The following ANKIB1 variants were observed in gnomAD, a reference collection of about 807,000 sequenced individuals.
ANKIB1 encodes ankyrin repeat and IBR domain containing 1, also known as ankyrin repeat and IBR domain-containing protein 1.
ANKIB1 carries 43 observed loss-of-function variants against 122.1 expected under a neutral mutation model. The observed-to-expected ratio is 0.35, with a 90% confidence interval of 0.28 to 0.45. The LOEUF is 0.45. Ranked by LOEUF, ANKIB1 falls within the 20% of genes least tolerant of loss-of-function variation. The pLI, the probability that ANKIB1 is intolerant of heterozygous loss-of-function variation, is 1.00. For missense variants in ANKIB1, 992 were observed against 1,329.5 expected, an observed-to-expected ratio of 0.75 and a Z score of 3.95; for synonymous variants, 390 against 442.0, an observed-to-expected ratio of 0.88 and a Z score of 1.48.
chr7:92,350,704 A>T (rs1334030646), intron 7 of ANKIB1, among the ~76,000 whole-genome samples: 2 of 152,164 alleles, frequency 1.3e-5, no homozygotes, highest in Non-Finnish European at 2.9e-5. Context: ...CAAAAATTTA[A>T]AAATTAGCCC....
chr7:92,309,942 A>AAAAATATATATATATATAT (rs1335765681), intron 3 of ANKIB1, among the ~76,000 whole-genome samples: 7 of 91,814 alleles, frequency 7.6e-5, no homozygotes, highest in African/African-American at 3.4e-4. Context: ...AAAAAAAAAA[A>AAAAATATATATATATATAT]ATATATATAT....
chr7:92,398,348 C>T lies in ANKIB1; in HGVS notation c.2669C>T (p.Thr890Ile). The change falls in exon 20 of 20, where the codon ACT becomes ATT. Residue 890 changes from threonine to isoleucine, a missense_variant. Around this residue, in one of 4 missense-constraint regions of ANKIB1, gnomAD observed 384 missense variants for 412.0 expected, o/e 0.93. Transcript: ENST00000265742. ...GAAGCATCCTTAGGTGCGATAGGCA[C>T]TTCTTTACCTTCCAGGCTGGACTCT... is the stretch of plus-strand genomic sequence containing the variant. ...SNEASLGAIG[T>I]SLPSRLDSVP... is the part of the protein sequence containing the mutation. The T allele has an allele frequency of 3.1e-6, 5 of 1,613,522 alleles. No individual in the cohort carries two copies. In the South Asian group the frequency reaches 4.4e-5, roughly 14 times the overall value.
At chr7:92,328,617 A>C (rs1803078930) in intron 5 of ANKIB1, among the ~76,000 whole-genome samples, 1 of 152,114 alleles carries the variant, frequency 6.6e-6, no homozygotes, top group South Asian at 2.1e-4. Flanking sequence ...TTCTGGTTTA[A>C]AAATATTCTT....
chr7:92,391,109 T>G, intron 15 of ANKIB1, 57 bp from the exon 16 acceptor site: 1 of 1,424,102 alleles, frequency 7.0e-7, no homozygotes, highest in South Asian at 1.7e-5. Context: ...GACCCTGGAT[T>G]TGCTATTGAT....
intron 1 of ANKIB1, among the ~76,000 whole-genome samples, chr7:92,283,197 T>C (rs1802046361): frequency 6.6e-6 from 1 of 152,212 alleles, no homozygotes; most frequent in Non-Finnish European, 1.5e-5. Context: ...TTTGTGTTTA[T>C]GTAGCCATTT....
At chr7:92,330,142 C>T (rs565198605) in intron 5 of ANKIB1, among the ~76,000 whole-genome samples, 32 of 152,214 alleles carry the variant, frequency 2.1e-4, no homozygotes, top group South Asian at 1.2e-3. Flanking sequence ...GTGTGTCTTC[C>T]GAAGTCTCAG....
At chr7:92,371,663 G>C (rs1010862056) in intron 11 of ANKIB1, 56 bp downstream of exon 11, 13 of 1,542,028 alleles carry the variant, frequency 8.4e-6, no homozygotes, top group African/African-American at 8.2e-5. Context: ...AATTTAGTTT[G>C]ATTGTCAATC....
intron 7 of ANKIB1, among the ~76,000 whole-genome samples, chr7:92,346,214 T>A (rs567785844): frequency 6.6e-6 from 1 of 151,924 alleles, no homozygotes; most frequent in Non-Finnish European, 1.5e-5. Flanking sequence ...TGCAACGTCT[T>A]CCTTCCCGGG....
At chr7:92,326,741 A>G (rs1803034921) in intron 4 of ANKIB1, among the ~76,000 whole-genome samples, 1 of 152,166 alleles carries the variant, frequency 6.6e-6, no homozygotes, top group African/African-American at 2.4e-5. Flanking sequence ...TTTGGATTAA[A>G]TTGCAGTGCC....
At chr7:92,308,114 C>T (rs1802606596) in intron 3 of ANKIB1, among the ~76,000 whole-genome samples, 1 of 152,062 alleles carries the variant, frequency 6.6e-6, no homozygotes, top group African/African-American at 2.4e-5. Flanking sequence ...TCGTGATCCA[C>T]CCACCTCAGC....
intron 6 of ANKIB1, among the ~76,000 whole-genome samples, 160 bp from the exon 7 acceptor site, chr7:92,344,818 G>A (rs1803506442): frequency 2.0e-5 from 3 of 152,180 alleles, no homozygotes; most frequent in South Asian, 4.1e-4. Context: ...ATTTGTTACT[G>A]AAAGGCACAC....
intron 8 of ANKIB1, among the ~76,000 whole-genome samples, chr7:92,351,860 A>G (rs1455036864): frequency 1.3e-5 from 2 of 151,378 alleles, no homozygotes; most frequent in East Asian, 3.9e-4. Flanking sequence ...AGCTGGGATT[A>G]CGGGCGCCCA....
At chr7:92,289,473 A>G (rs1398737512) in intron 1 of ANKIB1, among the ~76,000 whole-genome samples, 2 of 152,222 alleles carry the variant, frequency 1.3e-5, no homozygotes, top group Non-Finnish European at 2.9e-5. Flanking sequence ...GATAAACTAG[A>G]TAACAAGCTG....
intron 7 of ANKIB1, among the ~76,000 whole-genome samples, chr7:92,347,795 C>T (rs1477639231): frequency 1.3e-5 from 2 of 152,204 alleles, no homozygotes; most frequent in African/African-American, 2.4e-5. Flanking sequence ...GCCTGTTCCT[C>T]AGTTTCCTAA....
At chr7:92,291,091 C>A (rs1280619041) in intron 1 of ANKIB1, among the ~76,000 whole-genome samples, 2 of 152,122 alleles carry the variant, frequency 1.3e-5, no homozygotes, top group African/African-American at 4.8e-5. Flanking sequence ...GTCAGGAGTT[C>A]GAGACCAGCC....
intron 1 of ANKIB1, among the ~76,000 whole-genome samples, chr7:92,252,317 A>T (rs936711786): frequency 1.3e-5 from 2 of 151,468 alleles, no homozygotes; most frequent in Non-Finnish European, 2.9e-5. Context: ...TCTTATGATG[A>T]TTGCCAAATA....
chr7:92,345,167 A>G, intron 7 of ANKIB1, 101 bp downstream of exon 7: 2 of 816,670 alleles, frequency 2.4e-6, no homozygotes, highest in South Asian at 3.6e-5. Flanking sequence ...AATTGTTTAT[A>G]TTGACTTCTG....
At chr7:92,319,275 T>G in intron 3 of ANKIB1, 55 bp from the exon 4 acceptor site, 1 of 1,091,252 alleles carries the variant, frequency 9.2e-7, no homozygotes, top group Non-Finnish European at 1.3e-6. Flanking sequence ...AAAAATAGCA[T>G]GAAATAACTT....
At chr7:92,357,151 A>G (rs1803832294) in intron 9 of ANKIB1, among the ~76,000 whole-genome samples, 1 of 152,194 alleles carries the variant, frequency 6.6e-6, no homozygotes, top group African/African-American at 2.4e-5. Flanking sequence ...CACATTTTCA[A>G]GAAGAGAGCC....
Sources: allele counts gnomAD v4.1 joint callset (sites outside exome capture counted in the v4.1 genomes callset), GRCh38; gene constraint gnomAD v4.1.1; regional missense constraint gnomAD v4.1.1; transcripts MANE v1.5; gene names NCBI Gene and HGNC (gene_info 2026-07-23, HGNC 2026-07-21).